Variants in CDH22 observed in about 807,000 individuals in gnomAD.
CDH22 encodes cadherin 22, also known as cadherin-22.
CDH22 carries 30 observed loss-of-function variants against 58.4 expected under a neutral mutation model. That is an observed-to-expected ratio of 0.51 (90% confidence interval 0.38 to 0.70). The LOEUF (loss-of-function observed/expected upper bound fraction) is 0.70, where lower values mean the gene tolerates loss of function less well. Ranked by LOEUF, CDH22 falls within the 30% of genes least tolerant of loss-of-function variation. CDH22 has a pLI of 0.00. For synonymous variants in CDH22, 513 were observed against 558.2 expected (o/e 0.92, Z 1.14); for missense variants, 1,014 against 1,233.9 (o/e 0.82, Z 2.67).
In CDH22 at chr20:46,303,278, G is replaced by A. The variant is rs865956851; in HGVS notation, c.-400+4977C>T. Among the ~76,000 whole-genome samples, 14 of 152,236 alleles carry A rather than the reference G, an allele frequency of 9.2e-5. 1 individual carries two copies. In the South Asian group the frequency reaches 2.9e-3, roughly 32 times the overall value. On this transcript the variant is annotated intron_variant, in intron 1 of 11. Coordinates refer to ENST00000537909, the MANE Select transcript of CDH22 (RefSeq NM_021248.3). ...CTTGGTACCCCTTGGCATGGAGGCT[G>A]CCTTCTCTGCTCTTATTCCTCCCTA...
intron 10 of CDH22, among the ~76,000 whole-genome samples, chr20:46,182,981 C>A (rs1215415581): frequency 6.6e-6 from 1 of 152,066 alleles, no homozygotes; most frequent in Non-Finnish European, 1.5e-5. Context: ...GAGCTTACAC[C>A]AGGTGGCACT....
At chr20:46,230,375 C>T (rs906628170) in intron 3 of CDH22, among the ~76,000 whole-genome samples, 1 of 152,098 alleles carries the variant, frequency 6.6e-6, no homozygotes, top group South Asian at 2.1e-4. Context: ...AATATTCTCT[C>T]CATGGCCCAG....
chr20:46,290,231 A>G (rs1056804673), intron 1 of CDH22, among the ~76,000 whole-genome samples: 9 of 152,192 alleles, frequency 5.9e-5, no homozygotes, highest in African/African-American at 1.9e-4. Context: ...ACACTATGAG[A>G]CAGAAGCTCA....
intron 3 of CDH22, 102 bp downstream of exon 3, chr20:46,240,861 C>A (rs930126877): frequency 9.0e-7 from 1 of 1,116,722 alleles, no homozygotes; most frequent in Non-Finnish European, 1.3e-6. Context: ...CAGGCTCTGT[C>A]TTTTCTGTCC....
intron 3 of CDH22, among the ~76,000 whole-genome samples, chr20:46,232,197 G>A (rs1488495973): frequency 6.6e-6 from 1 of 152,118 alleles, no homozygotes; most frequent in Non-Finnish European, 1.5e-5. Flanking sequence ...TGCTATCTGT[G>A]AAGTGCAGTT....
At position 46,174,201 on chromosome 20, in the gene CDH22, C is replaced by T. The variant is rs2085716849; in HGVS notation, c.*305G>A. 9.6e-6 allele frequency: 4 copies of T among 415,832 alleles called. No individual in the cohort carries two copies. In the East Asian group the frequency reaches 1.3e-4, roughly 14 times the overall value. 25.8% of individuals were successfully genotyped at this position (415,832 alleles called of 1,614,324 possible). On this transcript the variant is annotated 3_prime_UTR_variant, in exon 12 of 12. Coordinates refer to ENST00000537909, the MANE Select transcript of CDH22 (RefSeq NM_021248.3). This position sits in a 1 kb window ranked among gnomAD's most constrained non-coding sequence, Gnocchi z 4.4. ...CTCCCCCAGGCCAGGATTGAGTGAC[C>T]CGCCCCTTCCCGACTCTGCAACGCC...
At chr20:46,250,933 A>T in intron 2 of CDH22, 107 bp downstream of exon 2, 1 of 713,380 alleles carries the variant, frequency 1.4e-6, no homozygotes, top group Non-Finnish European at 2.4e-6. Flanking sequence ...CAGAAGAGGC[A>T]CATGAAACAT....
At chr20:46,289,791 A>C (rs1681040114) in intron 1 of CDH22, among the ~76,000 whole-genome samples, 1 of 152,236 alleles carries the variant, frequency 6.6e-6, no homozygotes, top group African/African-American at 2.4e-5. Flanking sequence ...GGAAGCTAGA[A>C]ACATGAGCCA....
intron 1 of CDH22, among the ~76,000 whole-genome samples, chr20:46,274,083 A>C (rs1487032076): frequency 2.0e-5 from 3 of 152,236 alleles, no homozygotes; most frequent in African/African-American, 7.2e-5. Context: ...CCTAGTTTCA[A>C]AGGAATTTTA....
rs542084952 is a variant in CDH22, at chr20:46,191,563, T to C, written c.1424-4616A>G. Among the ~76,000 whole-genome samples the C allele has an allele frequency of 9.9e-5, 15 of 152,278 alleles. No individual in the cohort carries two copies. The South Asian group carries it at 3.1e-3, about 32-fold the overall frequency. On this transcript the variant is annotated intron_variant, in intron 8 of 11. Transcript: ENST00000537909. ...TAAGTACATGCCAAGGACCAGGGTC[T>C]GGGCTGCCCCATTTCGTCCTGTCAA...
Position 46,216,845 on chromosome 20 carries a change from G to T in CDH22, c.819C>A (p.Asn273Lys). ...ACTCACTCTGCGGGAAACGGGGCGG[G>T]TTGTCATTGACGTCGGTGACTACGA... Reference protein sequence around the residue: ...VTIVVTDVNDNPPRFPQKMYQ... With the variant: ...VTIVVTDVNDKPPRFPQKMYQ... Residue 273 changes from asparagine to lysine, a missense_variant, in exon 5 of 12, where the codon AAC (asparagine) becomes AAA (lysine). Coordinates refer to ENST00000537909, the MANE Select transcript of CDH22 (RefSeq NM_021248.3). The surrounding 1 kb of genome is among the most constrained non-coding windows in gnomAD (Gnocchi z 5.3). 6.2e-7 allele frequency: 1 copy of T among 1,601,584 alleles called. No individual in the cohort carries two copies. The highest frequency in any genetic ancestry group is 8.5e-7 in the Non-Finnish European group (1 of 1,169,654).
rs1228031951 is a variant in CDH22 at position 46,227,738 on chromosome 20, G to A, written c.551-111C>T. 4.8e-6 allele frequency: 7 copies of A among 1,460,530 alleles called. No homozygotes were observed. The East Asian group carries it at 7.5e-5, about 16-fold the overall frequency. The allele number at this position is 1,460,530 out of a possible 1,614,324, so 90.5% of individuals were successfully genotyped here. ...GAGAGGAGACCCTCGGGAGACCTGC[G>A]GGAGGCCATCGAATACAGCCCCTCA... On this transcript the variant is annotated intron_variant, in intron 3 of 11. Coordinates refer to ENST00000537909, the MANE Select transcript of CDH22 (RefSeq NM_021248.3).
chr20:46,280,948 A>C (rs1388059056), intron 1 of CDH22, among the ~76,000 whole-genome samples: 2 of 152,198 alleles, frequency 1.3e-5, no homozygotes, highest in African/African-American at 4.8e-5. Flanking sequence ...GTTCTCAGGA[A>C]AGTCTGTGAT....
chr20:46,243,332 G>A (rs1057303790), intron 2 of CDH22, among the ~76,000 whole-genome samples: 3 of 152,228 alleles, frequency 2.0e-5, no homozygotes, highest in South Asian at 4.1e-4. Flanking sequence ...TTCATTAGCC[G>A]ATTAATGGGC....
At chr20:46,276,300 A>T (rs1367383509) in intron 1 of CDH22, among the ~76,000 whole-genome samples, 1 of 152,182 alleles carries the variant, frequency 6.6e-6, no homozygotes, top group East Asian at 1.9e-4. Context: ...TAAACAAGGG[A>T]GTGACAGTGA....
At chr20:46,301,879 A>G (rs2086653711) in intron 1 of CDH22, among the ~76,000 whole-genome samples, 1 of 152,222 alleles carries the variant, frequency 6.6e-6, no homozygotes, top group African/African-American at 2.4e-5. Flanking sequence ...TTAATAAGAC[A>G]ACGAAAGAAT....
chr20:46,193,808 G>A (rs898375986), intron 8 of CDH22, among the ~76,000 whole-genome samples: 2 of 152,054 alleles, frequency 1.3e-5, no homozygotes, highest in Non-Finnish European at 2.9e-5. Flanking sequence ...TGGAACACCT[G>A]AATCCCCTTT....
At chr20:46,267,515 A>G (rs1288882010) in intron 1 of CDH22, among the ~76,000 whole-genome samples, 1 of 152,222 alleles carries the variant, frequency 6.6e-6, no homozygotes, top group East Asian at 1.9e-4. Context: ...GCTGAGAACC[A>G]CATGGCTAGG....
intron 3 of CDH22, among the ~76,000 whole-genome samples, chr20:46,240,419 G>C (rs1025917687): frequency 6.6e-6 from 1 of 152,114 alleles, no homozygotes; most frequent in Non-Finnish European, 1.5e-5. Context: ...CTAGTGGTGG[G>C]TGTGCCTGAA....
Sources: allele counts gnomAD v4.1 joint callset (sites outside exome capture counted in the v4.1 genomes callset), GRCh38; gene constraint gnomAD v4.1.1; non-coding constraint Gnocchi (gnomAD v3.1); transcripts MANE v1.5; gene names NCBI Gene and HGNC (gene_info 2026-07-23, HGNC 2026-07-21).